Variants in GNAI3 observed in about 807,000 individuals in gnomAD.
The protein encoded by GNAI3 is guanine nucleotide-binding protein G(i) subunit alpha-3.
In GNAI3, 12 loss-of-function variants were observed where a neutral mutation model predicts 41.8. That is an observed-to-expected ratio of 0.29 (90% confidence interval 0.18 to 0.47). The LOEUF is 0.47. Ranked by LOEUF, GNAI3 falls within the 20% of genes least tolerant of loss-of-function variation. The pLI is 1.00. For synonymous variants in GNAI3, 132 were observed against 146.5 expected, an observed-to-expected ratio of 0.90 and a Z score of 0.71; for missense variants, 360 against 429.6, an observed-to-expected ratio of 0.84 and a Z score of 1.43.
At position 109,563,720 on chromosome 1, in the gene GNAI3, G is replaced by A. The variant is rs376867241; in HGVS notation, c.119-10017G>A. Among the ~76,000 whole-genome samples, 252 of 152,270 alleles carry A rather than the reference G, an allele frequency of 1.7e-3. 1 individual carries two copies. Among genetic ancestry groups the A allele is most frequent in the Middle Eastern group, 6.8e-3 (2 of 294 alleles). ...TGAAACTCAGAACAAACCATATAGT[G>A]CCATGTAAGTTATGGACATATTTTA... On this transcript the variant is annotated intron_variant, in intron 1 of 8. Transcript: ENST00000369851.
chr1:109,564,940 A>G (rs1316791943), intron 1 of GNAI3, among the ~76,000 whole-genome samples: 3 of 152,150 alleles, frequency 2.0e-5, no homozygotes, highest in Non-Finnish European at 4.4e-5. Context: ...TCTTCCAGTT[A>G]CAACTCACTG....
chr1:109,586,299 T>G lies in GNAI3; in HGVS notation c.674T>G (p.Val225Gly). 6.2e-7 allele frequency: 1 copy of G among 1,613,434 alleles called. No individual in the cohort carries two copies. The highest frequency in any genetic ancestry group is 8.5e-7 in the Non-Finnish European group (1 of 1,179,390). ...FEGVTAIIFC[V>G]ALSDYDLVLA... ...GGAGTGACAGCAATTATCTTCTGTG[T>G]GGCCCTCAGTGATTATGACCTTGTT... The change falls in exon 6 of 9, where the codon GTG (valine) becomes GGG (glycine). Residue 225 changes from valine to glycine, a missense_variant. Val to Gly is a moderately radical substitution (Grantham distance 109). Transcript: ENST00000369851.
chr1:109,592,294 T>A lies in GNAI3; in HGVS notation c.*22+39T>A. On this transcript the variant is annotated intron_variant, in intron 8 of 8. Transcript: ENST00000369851. ...CAAGGTAGTTATAGTGCTACAGTGA[T>A]GTCTCTTGGTTTTTAAACTTTTTCT... 4 of 1,087,932 alleles carry A rather than the reference T, an allele frequency of 3.7e-6. No individual in the cohort carries two copies. The East Asian group carries it at 9.5e-5, about 26-fold the overall frequency. 67.4% of individuals were successfully genotyped at this position (1,087,932 alleles called of 1,614,324 possible). A position where few individuals can be genotyped will look rare whatever the true frequency, so the allele number is the denominator to read the frequency against.
At chr1:109,564,626 C>T (rs949540015) in intron 1 of GNAI3, among the ~76,000 whole-genome samples, 1 of 152,146 alleles carries the variant, frequency 6.6e-6, no homozygotes, top group Admixed American at 6.5e-5. Flanking sequence ...GTTGGTCCTG[C>T]TCATCTTTTA....
At chr1:109,572,972 T>C (rs1426816142) in intron 1 of GNAI3, among the ~76,000 whole-genome samples, 1 of 152,166 alleles carries the variant, frequency 6.6e-6, no homozygotes, top group Non-Finnish European at 1.5e-5. Flanking sequence ...TGGGAAAATG[T>C]AGTTTTTTCT....
Position 109,592,383 on chromosome 1 carries a change from C to G in GNAI3, c.*61C>G, listed in dbSNP as rs1649194690. Reference sequence around the variant, plus strand: ...GAGTGTTGAGACCAGACACCTTTTGCTGTCTCATGGGGCAGCTACAAGCAT... The same window carrying G: ...GAGTGTTGAGACCAGACACCTTTTGGTGTCTCATGGGGCAGCTACAAGCAT... On this transcript the variant is annotated 3_prime_UTR_variant, in exon 9 of 9. Coordinates refer to ENST00000369851, the MANE Select transcript of GNAI3 (RefSeq NM_006496.4). 5 of 536,470 alleles carry G rather than the reference C, an allele frequency of 9.3e-6. No homozygotes were observed. The African/African-American group carries it at 9.4e-5, about 10-fold the overall frequency. The allele number at this position is 536,470 out of a possible 1,614,324, so 33.2% of individuals were successfully genotyped here.
intron 1 of GNAI3, among the ~76,000 whole-genome samples, chr1:109,570,886 T>A (rs1322534068): frequency 1.3e-5 from 2 of 152,214 alleles, no homozygotes; most frequent in Non-Finnish European, 1.5e-5. Context: ...ACCTACTGAC[T>A]GGCAAACTGG....
chr1:109,586,595 T>G, intron 6 of GNAI3, 134 bp from the exon 7 acceptor site: 2 of 717,016 alleles, frequency 2.8e-6, no homozygotes, highest in Non-Finnish European at 4.6e-6. Context: ...GACACTCAAC[T>G]TTATCTTATT....
At chr1:109,585,817 G>A (rs761797254) in intron 5 of GNAI3, among the ~76,000 whole-genome samples, 52 of 152,158 alleles carry the variant, frequency 3.4e-4, no homozygotes, top group Admixed American at 2.0e-4. Flanking sequence ...TAGTAGTAGT[G>A]TCTGGCACCA....
At chr1:109,585,083 G>A (rs1649000033) in intron 5 of GNAI3, among the ~76,000 whole-genome samples, 1 of 152,178 alleles carries the variant, frequency 6.6e-6, no homozygotes, top group Non-Finnish European at 1.5e-5. Context: ...TTCAATTTCT[G>A]GGGGAAAACA....
chr1:109,578,087 A>T (rs1321069503), intron 3 of GNAI3, among the ~76,000 whole-genome samples: 1 of 152,180 alleles, frequency 6.6e-6, no homozygotes, highest in Admixed American at 6.5e-5. Flanking sequence ...GTAGGGATGG[A>T]TAGAATAAAG....
chr1:109,560,940 T>A (rs1056082607), intron 1 of GNAI3, among the ~76,000 whole-genome samples: 6 of 152,208 alleles, frequency 3.9e-5, no homozygotes, highest in Non-Finnish European at 7.3e-5. Flanking sequence ...GACATATCTT[T>A]AACAGAACAT....
At chr1:109,565,020 T>C (rs553576841) in intron 1 of GNAI3, among the ~76,000 whole-genome samples, 17 of 152,128 alleles carry the variant, frequency 1.1e-4, no homozygotes, top group African/African-American at 3.9e-4. Flanking sequence ...CCTAGCACTT[T>C]GGGAGGCCGA....
At chr1:109,566,204 G>A (rs1275420924) in intron 1 of GNAI3, among the ~76,000 whole-genome samples, 1 of 152,148 alleles carries the variant, frequency 6.6e-6, no homozygotes, top group African/African-American at 2.4e-5. Context: ...AGTTGAATAG[G>A]GGTTTTACGG....
intron 5 of GNAI3, among the ~76,000 whole-genome samples, chr1:109,584,356 C>T (rs1020859879): frequency 6.6e-6 from 1 of 152,172 alleles, no homozygotes; most frequent in Non-Finnish European, 1.5e-5. Flanking sequence ...GATTATCACT[C>T]GTGAGACCAT....
Position 109,548,738 on chromosome 1 carries a change from C to T in GNAI3, c.18C>T (p.Ser6=). 6.2e-7 allele frequency: 1 copy of T among 1,612,962 alleles called. No homozygotes were observed. Among genetic ancestry groups the T allele is most frequent in the Non-Finnish European group, 8.5e-7 (1 of 1,179,252 alleles). Residue 6 remains serine (S), a synonymous_variant, in exon 1 of 9, where the codon AGC becomes AGT. Transcript: ENST00000369851. ...CCGCCGCCATGGGCTGCACGTTGAG[C>T]GCCGAAGACAAGGCGGCAGTGGAGC... MGCTL[S]AEDKAAVERS... is the part of the protein sequence containing the mutation.
At chr1:109,580,066 A>G (rs1161880755) in intron 4 of GNAI3, among the ~76,000 whole-genome samples, 1 of 152,164 alleles carries the variant, frequency 6.6e-6, no homozygotes, top group Non-Finnish European at 1.5e-5. Context: ...CAGTGGCTCC[A>G]TCTCCGCTCA....
At chr1:109,589,483 A>G (rs749390647) in intron 7 of GNAI3, among the ~76,000 whole-genome samples, 2 of 152,124 alleles carry the variant, frequency 1.3e-5, no homozygotes, top group Non-Finnish European at 2.9e-5. Flanking sequence ...GAAGGGAGAG[A>G]TTTAAGAATG....
chr1:109,590,516 C>T (rs1024931508), intron 7 of GNAI3, among the ~76,000 whole-genome samples: 16 of 152,068 alleles, frequency 1.1e-4, no homozygotes, highest in African/African-American at 3.9e-4. Context: ...GAACCTGCTT[C>T]AAGCACCTAC....
Sources: allele counts gnomAD v4.1 joint callset (sites outside exome capture counted in the v4.1 genomes callset), GRCh38; gene constraint gnomAD v4.1.1; transcripts MANE v1.5; gene names NCBI Gene and HGNC (gene_info 2026-07-23, HGNC 2026-07-21).